Variants in OLFM3 observed in about 807,000 individuals in gnomAD.
OLFM3 encodes olfactomedin 3, also known as noelin-3.
In OLFM3, 20 loss-of-function variants were observed where a neutral mutation model predicts 48.6. The observed-to-expected ratio is 0.41, with a 90% CI of 0.29 to 0.60. OLFM3 has a LOEUF of 0.60. Among genes scored for constraint, OLFM3 ranks in the 20% least tolerant of loss-of-function variants. OLFM3 has a pLI of 0.28. For synonymous variants in OLFM3, 222 were observed against 198.1 expected (o/e 1.12, Z -1.01); for missense variants, 437 against 544.3 (o/e 0.80, Z 1.96).
chr1:101,984,285 T>C (rs1384994674), intron 1 of OLFM3, among the ~76,000 whole-genome samples: 2 of 148,070 alleles, frequency 1.4e-5, no homozygotes, highest in Admixed American at 1.3e-4. Context: ...AAATTGCAGG[T>C]GAGATTTTAT....
chr1:101,898,271 C>T (rs1370918081), intron 1 of OLFM3, among the ~76,000 whole-genome samples: 1 of 152,072 alleles, frequency 6.6e-6, no homozygotes, highest in Admixed American at 6.5e-5. Context: ...ATATAATCTC[C>T]TTTTGACTGA....
At chr1:101,837,291 A>G (rs1013902082) in intron 1 of OLFM3, among the ~76,000 whole-genome samples, 6 of 152,280 alleles carry the variant, frequency 3.9e-5, no homozygotes, top group Non-Finnish European at 7.4e-5. Flanking sequence ...CTATTTCCCA[A>G]TGCTTTTTCT....
intron 1 of OLFM3, among the ~76,000 whole-genome samples, chr1:101,864,207 T>C (rs192732217): frequency 2.4e-4 from 36 of 152,214 alleles, no homozygotes; most frequent in African/African-American, 7.2e-4. Flanking sequence ...TTTTTTTTTT[T>C]CCAAAATCTT....
chr1:101,947,516 T>A (rs1043203984), intron 1 of OLFM3, among the ~76,000 whole-genome samples: 1 of 152,132 alleles, frequency 6.6e-6, no homozygotes, highest in Non-Finnish European at 1.5e-5. Context: ...CACCTGTAAT[T>A]CCAGCTACTT....
chr1:101,916,664 T>C (rs1459630918), intron 1 of OLFM3, among the ~76,000 whole-genome samples: 1 of 152,208 alleles, frequency 6.6e-6, no homozygotes, highest in Non-Finnish European at 1.5e-5. Flanking sequence ...AAAACATTTG[T>C]GTAAATATTG....
chr1:101,875,581 C>T (rs1255463148), intron 1 of OLFM3, among the ~76,000 whole-genome samples: 1 of 151,820 alleles, frequency 6.6e-6, no homozygotes, highest in Non-Finnish European at 1.5e-5. Context: ...AATGTATATT[C>T]TAGGACATAA....
chr1:101,953,050 T>C (rs1254211713), intron 1 of OLFM3, among the ~76,000 whole-genome samples: 1 of 152,180 alleles, frequency 6.6e-6, no homozygotes, highest in Non-Finnish European at 1.5e-5. Flanking sequence ...TGCATGCTAG[T>C]TTCCAAGACT....
chr1:101,969,161 T>G (rs368179601), intron 1 of OLFM3, among the ~76,000 whole-genome samples: 76 of 152,272 alleles, frequency 5.0e-4, no homozygotes, highest in Middle Eastern at 3.4e-3. Context: ...TTTACTTTTA[T>G]TTTTGAGACA....
At chr1:101,980,926 C>A (rs1215409719) in intron 1 of OLFM3, among the ~76,000 whole-genome samples, 1 of 152,160 alleles carries the variant, frequency 6.6e-6, no homozygotes, top group Non-Finnish European at 1.5e-5. Flanking sequence ...TCGATTTAGT[C>A]CAGACTGCAA....
In OLFM3 at chr1:101,884,514, A is replaced by C. The variant is rs114733289; in HGVS notation, c.70-47489T>G. On this transcript the variant is annotated intron_variant, in intron 1 of 5. Transcript: ENST00000370103. ...CAAAAACAAACAAACAAAAAAAAACAGACAAAAAATGCCACAAGGGACATT... is the reference window on the plus strand; with the variant it reads ...CAAAAACAAACAAACAAAAAAAAACCGACAAAAAATGCCACAAGGGACATT... Among the ~76,000 whole-genome samples, 1,484 of 151,938 alleles carry C rather than the reference A, an allele frequency of 9.8e-3. 23 individuals are homozygous for C. Among genetic ancestry groups the C allele is most frequent in the African/African-American group, 0.034 (1,399 of 41,504 alleles).
chr1:101,958,845 A>ATATATG (rs1445672913), intron 1 of OLFM3, among the ~76,000 whole-genome samples: 1 of 149,744 alleles, frequency 6.7e-6, no homozygotes, highest in Non-Finnish European at 1.5e-5. Flanking sequence ...TTATATATAT[A>ATATATG]TATATATATA....
chr1:101,953,828 C>A (rs1185433344), intron 1 of OLFM3, among the ~76,000 whole-genome samples: 2 of 152,040 alleles, frequency 1.3e-5, no homozygotes, highest in Non-Finnish European at 2.9e-5. Flanking sequence ...TTAGCACGGG[C>A]TGTATTAGTC....
At chr1:101,809,063 G>A (rs981462402) in intron 4 of OLFM3, among the ~76,000 whole-genome samples, 1 of 151,280 alleles carries the variant, frequency 6.6e-6, no homozygotes, top group African/African-American at 2.4e-5. Context: ...ATGAAAATAA[G>A]AGAAAAAATA....
At chr1:101,875,243 G>A (rs550296953) in intron 1 of OLFM3, among the ~76,000 whole-genome samples, 1 of 152,072 alleles carries the variant, frequency 6.6e-6, no homozygotes, top group South Asian at 2.1e-4. Context: ...TTAGAGCAGT[G>A]AAGCTATTTT....
chr1:101,985,965 ATTT>A (rs397973710), intron 1 of OLFM3, among the ~76,000 whole-genome samples: 8 of 134,904 alleles, frequency 5.9e-5, no homozygotes, highest in East Asian at 2.1e-4. Context: ...GATGAACTAC[ATTT>A]TTTTTTTTTT....
At chr1:101,883,358 T>C (rs72729685) in intron 1 of OLFM3, among the ~76,000 whole-genome samples, 250 of 150,934 alleles carry the variant, frequency 1.7e-3, no homozygotes, top group Non-Finnish European at 2.0e-3. Context: ...CACACACACA[T>C]ATATACACAT....
chr1:101,872,162 AG>A (rs1301738953), intron 1 of OLFM3, among the ~76,000 whole-genome samples: 2 of 152,078 alleles, frequency 1.3e-5, no homozygotes, highest in Non-Finnish European at 2.9e-5. Context: ...ATAAGTTCAG[AG>A]ATGTTGAAAA....
rs758407200 is a variant in OLFM3, at chr1:101,804,607, C to T, written c.1008G>A (p.Leu336=). ...DIDLMADEIG[L]WAVYATNQNA... ...TCTGGTTAGTTGCATACACAGCCCACAGCCCGATTTCATCAGCCATTAGGT... is the reference window on the plus strand; with the variant it reads ...TCTGGTTAGTTGCATACACAGCCCATAGCCCGATTTCATCAGCCATTAGGT... The change falls in exon 6 of 6, where the codon CTG becomes CTA. Residue 336 remains leucine, a synonymous_variant. Transcript: ENST00000370103. The surrounding 1 kb of genome is among the most constrained non-coding windows in gnomAD (Gnocchi z 4.5). 4 of 1,612,436 alleles carry T rather than the reference C, an allele frequency of 2.5e-6. No homozygotes were observed. The highest frequency in any genetic ancestry group is 2.2e-5 in the East Asian group (1 of 44,814).
chr1:101,806,210 A>C, intron 4 of OLFM3, 28 bp from the exon 5 acceptor site: 2 of 1,558,674 alleles, frequency 1.3e-6, no homozygotes, highest in Non-Finnish European at 1.8e-6. Flanking sequence ...CAAACGTGTT[A>C]GGTGAACGCA....
Sources: allele counts gnomAD v4.1 joint callset (sites outside exome capture counted in the v4.1 genomes callset), GRCh38; gene constraint gnomAD v4.1.1; non-coding constraint Gnocchi (gnomAD v3.1); transcripts MANE v1.5; gene names NCBI Gene and HGNC (gene_info 2026-07-23, HGNC 2026-07-21).